The following UGGT1 variants were observed in gnomAD, a reference collection of about 807,000 sequenced individuals.
UGGT1 encodes UDP-glucose:glycoprotein glucosyltransferase 1.
A neutral mutation model predicts 203.9 loss-of-function variants in UGGT1; 107 were observed. The ratio of observed to expected loss-of-function variants is 0.52; its 90% CI spans 0.45 to 0.62. The LOEUF (loss-of-function observed/expected upper bound fraction) is 0.62. UGGT1 is among the 20% of genes least tolerant of loss of function. The probability of loss-of-function intolerance (pLI) is 0.00; values close to 1 mark genes in which losing one functional copy is unlikely to be tolerated. For synonymous variants in UGGT1, 628 were observed against 653.5 expected, an observed-to-expected ratio of 0.96 and a Z score of 0.59; for missense variants, 1,673 against 1,867.2, an observed-to-expected ratio of 0.90 and a Z score of 1.92.
At position 128,184,276 on chromosome 2, in the gene UGGT1, C is replaced by T. The variant is rs577596001; in HGVS notation, c.4359+487C>T. Among the ~76,000 whole-genome samples, 12 of 152,248 alleles carry T rather than the reference C, an allele frequency of 7.9e-5. No individual in the cohort carries two copies. In the East Asian group the frequency reaches 2.3e-3, roughly 29 times the overall value. On this transcript the variant is annotated intron_variant, in intron 38 of 40. Transcript: ENST00000259253. ...CTGTTTGTTAATGTTAAGCATTTTT[C>T]AGAGGTGAGATTGTAGTTTAAGGGT...
chr2:128,160,243 C>T (rs570603340), intron 23 of UGGT1, among the ~76,000 whole-genome samples: 12 of 151,978 alleles, frequency 7.9e-5, no homozygotes, highest in Non-Finnish European at 1.8e-4. Flanking sequence ...GTCTGCTAGT[C>T]GAACAAATCA....
chr2:128,102,895 A>G (rs181243748), intron 2 of UGGT1, among the ~76,000 whole-genome samples: 69 of 152,298 alleles, frequency 4.5e-4, no homozygotes. Context: ...CTTAGACTAT[A>G]AGCTATGCCA....
chr2:128,161,022 G>T, intron 24 of UGGT1, 116 bp from the exon 25 acceptor site: 1 of 1,201,562 alleles, frequency 8.3e-7, no homozygotes, highest in Non-Finnish European at 1.2e-6. Context: ...CCTGTCTCAG[G>T]TCTTTAAGAT....
chr2:128,184,770 C>T (rs1691886476), intron 38 of UGGT1, among the ~76,000 whole-genome samples: 1 of 151,842 alleles, frequency 6.6e-6, no homozygotes, highest in Admixed American at 6.6e-5. Flanking sequence ...CAACCTCCAC[C>T]TCCCGGGTTC....
intron 40 of UGGT1, among the ~76,000 whole-genome samples, chr2:128,188,117 T>G (rs1692078909): frequency 6.6e-6 from 1 of 151,664 alleles, no homozygotes; most frequent in South Asian, 2.1e-4. Flanking sequence ...ACCTCCCAGG[T>G]TCATGTGTTT....
intron 39 of UGGT1, 34 bp from the exon 40 acceptor site, chr2:128,187,415 A>T: frequency 1.3e-6 from 2 of 1,595,714 alleles, no homozygotes; most frequent in African/African-American, 2.7e-5. Context: ...GCCTTTCTTC[A>T]ACTCAGCTGA....
At position 128,125,282 on chromosome 2, in the gene UGGT1, A is replaced by AG. The variant is rs145444145; in HGVS notation, c.1134+2041dup. On this transcript the variant is annotated intron_variant, in intron 11 of 40. Transcript: ENST00000259253. ...GAATGAGCCTTCATTTTGCTGGAGT[A>AG]GGGGGTAGCACCGACCTCAGGCACC... Among the ~76,000 whole-genome samples the AG allele has an allele frequency of 8.7e-3, 1,325 of 152,110 alleles. 22 individuals carry two copies. The highest frequency in any genetic ancestry group is 0.031 in the African/African-American group (1,269 of 41,480).
Position 128,143,185 on chromosome 2 carries a change from G to A in UGGT1, c.1811G>A (p.Ser604Asn), listed in dbSNP as rs767420493. The A allele has an allele frequency of 1.2e-6, 2 of 1,613,380 alleles. No homozygotes were observed. Among genetic ancestry groups the A allele is most frequent in the South Asian group, 2.2e-5 (2 of 90,854 alleles). ...AAATATCCGTATGTAGAAGTGAATA[G>A]CATTTTGGGGATTGATTCTGCTTAT... ...EKKYPYVEVNSILGIDSAYDR... is the reference protein window; with the variant it reads ...EKKYPYVEVNNILGIDSAYDR... The change falls in exon 17 of 41, where the codon AGC (serine) becomes AAC (asparagine). Residue 604 changes from serine (S) to asparagine (N), a missense_variant. By Grantham distance (46) the Ser-to-Asn change is conservative. This residue lies in a region of UGGT1 where 1,073 missense variants were observed against 1,078.7 expected (regional missense o/e 0.99). Transcript: ENST00000259253.
intron 19 of UGGT1, among the ~76,000 whole-genome samples, chr2:128,153,113 A>T (rs1429573414): frequency 1.6e-5 from 2 of 122,606 alleles, no homozygotes; most frequent in Non-Finnish European, 3.5e-5. Flanking sequence ...AAAGAAGAAA[A>T]CATCTTCTGG....
In UGGT1 at chr2:128,107,959, A is replaced by G; in HGVS notation, c.299A>G (p.His100Arg). The part of the protein sequence containing the change: ...DHDGTDYSYY[H>R]AILEAAFQFL... Reference sequence around the variant, plus strand: ...ACAGGTACCGATTATTCCTACTATCATGCAATATTGGAGGCTGCATTTCAG... The same window carrying G: ...ACAGGTACCGATTATTCCTACTATCGTGCAATATTGGAGGCTGCATTTCAG... The change falls in exon 4 of 41, where the codon CAT (histidine) becomes CGT (arginine). Residue 100 changes from histidine to arginine, a missense_variant. Transcript: ENST00000259253. 6.2e-7 allele frequency: 1 copy of G among 1,614,188 alleles called. No individual in the cohort carries two copies. Among genetic ancestry groups the G allele is most frequent in the South Asian group, 1.1e-5 (1 of 91,080 alleles).
At position 128,164,790 on chromosome 2, in the gene UGGT1, A is replaced by G. The variant is rs1411702870; in HGVS notation, c.2886A>G (p.Pro962=). 3.7e-6 allele frequency: 6 copies of G among 1,610,408 alleles called. No homozygotes were observed. The highest frequency in any genetic ancestry group is 1.3e-5 in the African/African-American group (1 of 74,632). ...TGTCAGCGCAACCAAAAGGAGATCC[A>G]AGAATCGAGTACCAGTTTTTTGAAG... The part of the protein sequence containing the change: ...ALLSAQPKGD[P]RIEYQFFEDR... Residue 962 remains proline (P), a synonymous_variant, in exon 26 of 41, where the codon CCA becomes CCG. Transcript: ENST00000259253.
At chr2:128,138,914 G>GACCACACAT in intron 16 of UGGT1, 62 bp downstream of exon 16, 1 of 1,600,032 alleles carries the variant, frequency 6.2e-7, no homozygotes, top group Non-Finnish European at 8.5e-7. Context: ...TAATAACAAT[G>GACCACACAT]TGTGGTCATT....
intron 36 of UGGT1, among the ~76,000 whole-genome samples, chr2:128,181,628 A>C (rs995930815): frequency 3.9e-5 from 6 of 152,228 alleles, no homozygotes; most frequent in Admixed American, 1.3e-4. Context: ...GGAAGGATGT[A>C]ATGTGTGTGA....
At chr2:128,137,330 A>G (rs1361960080) in intron 15 of UGGT1, among the ~76,000 whole-genome samples, 2 of 152,176 alleles carry the variant, frequency 1.3e-5, no homozygotes, top group African/African-American at 4.8e-5. Context: ...GAAGTGGAGG[A>G]TTGTTTGAGC....
At position 128,177,723 on chromosome 2, in the gene UGGT1, T is replaced by C. The variant is rs541920152; in HGVS notation, c.3625-109T>C. ...GGGGTTGTGCCTGTTTGTGAGAGAA[T>C]TGATTGATAATTCCCTATTGATGAC... On this transcript the variant is annotated intron_variant, in intron 32 of 40. Coordinates refer to ENST00000259253, the MANE Select transcript of UGGT1 (RefSeq NM_020120.4). 12 of 873,770 alleles carry C rather than the reference T, an allele frequency of 1.4e-5. No homozygotes were observed. In the African/African-American group the frequency reaches 1.7e-4, roughly 13 times the overall value. The allele number at this position is 873,770 out of a possible 1,614,324, so 54.1% of individuals were successfully genotyped here.
At position 128,189,866 on chromosome 2, in the gene UGGT1, A is replaced by C. The variant is rs371415898; in HGVS notation, c.*124A>C. ...CTGGGCAGGAGTGCCACACCTTTTG[A>C]TTCTGAGCATTTGATTCTGACTTCT... is the stretch of plus-strand genomic sequence containing the variant. On this transcript the variant is annotated 3_prime_UTR_variant, in exon 41 of 41. Coordinates refer to ENST00000259253, the MANE Select transcript of UGGT1 (RefSeq NM_020120.4). 5.4e-4 allele frequency: 558 copies of C among 1,042,884 alleles called. 4 individuals carry two copies. In the African/African-American group the frequency reaches 7.3e-3, roughly 14 times the overall value. The allele number at this position is 1,042,884 out of a possible 1,614,324, so 64.6% of individuals were successfully genotyped here. A position where few individuals can be genotyped will look rare whatever the true frequency, so the allele number is the denominator to read the frequency against.
At chr2:128,123,321 A>C in intron 11 of UGGT1, 75 bp downstream of exon 11, 3 of 1,217,078 alleles carry the variant, frequency 2.5e-6, no homozygotes, top group Non-Finnish European at 3.5e-6. Flanking sequence ...TTTAATCAGC[A>C]GCATTTAACA....
At chr2:128,125,937 A>G (rs1203509809) in intron 11 of UGGT1, among the ~76,000 whole-genome samples, 7 of 146,482 alleles carry the variant, frequency 4.8e-5, no homozygotes, top group Non-Finnish European at 1.1e-4. Flanking sequence ...AAGCATAAAT[A>G]TATACTTTTT....
chr2:128,145,098 C>T (rs904454232), intron 17 of UGGT1, among the ~76,000 whole-genome samples: 1 of 152,134 alleles, frequency 6.6e-6, no homozygotes. Flanking sequence ...TGTCTTAGAG[C>T]AATTGTTGAG....
Sources: gnomAD v4.1 joint callset for allele counts (sites outside exome capture counted in the v4.1 genomes callset) on GRCh38, gnomAD v4.1.1 for gene constraint, gnomAD v4.1.1 regional missense constraint, MANE v1.5 for transcripts, NCBI Gene and HGNC (gene_info 2026-07-23, HGNC 2026-07-21) for gene names.